TTC7B: variants seen among roughly 807,000 people sequenced by gnomAD.
TTC7B encodes the protein tetratricopeptide repeat domain 7B, also known as tetratricopeptide repeat protein 7B.
Under a neutral mutation model 106.8 loss-of-function variants are expected in TTC7B, and 28 were observed. That is an observed-to-expected ratio of 0.26 (90% CI 0.19 to 0.36). The LOEUF (loss-of-function observed/expected upper bound fraction) is 0.36, where lower values mean the gene tolerates loss of function less well. Among genes scored for constraint, TTC7B ranks in the 10% least tolerant of loss-of-function variants. The pLI, the probability that TTC7B is intolerant of heterozygous loss-of-function variation, is 1.00. For missense variants in TTC7B, 862 were observed against 1,076.4 expected (o/e 0.80, Z 2.79); for synonymous variants, 405 against 430.6 (o/e 0.94, Z 0.74).
At chr14:90,666,919 T>C (rs143633262) in intron 9 of TTC7B, among the ~76,000 whole-genome samples, 182 of 152,352 alleles carry the variant, frequency 1.2e-3, no homozygotes, top group African/African-American at 4.3e-3. Context: ...AGACCAAGCT[T>C]GCACATTGAG....
chr14:90,801,147 C>G (rs945212741), intron 1 of TTC7B, among the ~76,000 whole-genome samples: 1 of 150,834 alleles, frequency 6.6e-6, no homozygotes, highest in Non-Finnish European at 1.5e-5. Flanking sequence ...ATCGCTTGAG[C>G]CCGGGAGGTC....
intron 17 of TTC7B, among the ~76,000 whole-genome samples, chr14:90,598,660 C>A (rs1892310613): frequency 6.6e-6 from 1 of 152,232 alleles, no homozygotes; most frequent in African/African-American, 2.4e-5. Flanking sequence ...AGAAACCCTG[C>A]CTGCCCCAAG....
intron 4 of TTC7B, among the ~76,000 whole-genome samples, chr14:90,733,441 A>C (rs1187391535): frequency 2.0e-5 from 3 of 152,168 alleles, no homozygotes; most frequent in East Asian, 3.9e-4. Context: ...TAAGGTTATA[A>C]ATGGGAGAAT....
At chr14:90,706,934 CA>C (rs1888235708) in intron 5 of TTC7B, among the ~76,000 whole-genome samples, 1 of 152,234 alleles carries the variant, frequency 6.6e-6, no homozygotes, top group Non-Finnish European at 1.5e-5. Flanking sequence ...TATACATACA[CA>C]CACATACATA....
rs929319533 is a variant in TTC7B at position 90,575,944 on chromosome 14, C to T, written c.2310+2162G>A. On this transcript the variant is annotated intron_variant, in intron 19 of 19. Coordinates refer to ENST00000328459, the MANE Select transcript of TTC7B (RefSeq NM_001010854.2). The surrounding 1 kb of genome is among the most constrained non-coding windows in gnomAD (Gnocchi z 5.2). ...TGAGCCTAGTAAGGCTCAGTCATTG[C>T]CGATGGACCCAGCAGGCGGGGCTCA... Among the ~76,000 whole-genome samples the T allele has an allele frequency of 7.2e-5, 11 of 152,060 alleles. No homozygotes were observed. Among genetic ancestry groups the T allele is most frequent in the Admixed American group, 7.2e-4 (11 of 15,272 alleles).
intron 3 of TTC7B, among the ~76,000 whole-genome samples, chr14:90,745,650 T>C (rs912591178): frequency 2.0e-5 from 3 of 152,072 alleles, no homozygotes; most frequent in African/African-American, 7.2e-5. Flanking sequence ...AGATGAATTA[T>C]CCTTTTTTAT....
intron 3 of TTC7B, among the ~76,000 whole-genome samples, chr14:90,755,652 C>T (rs965254397): frequency 5.4e-5 from 6 of 112,074 alleles, no homozygotes; most frequent in African/African-American, 2.0e-4. Flanking sequence ...GGGCAAGACC[C>T]TGTCACTAAA....
At position 90,532,633 on chromosome 14, in the gene TTC7B, G is replaced by C. The variant is rs535914306; in HGVS notation, c.*8735C>G. 3 of 152,352 alleles carry C rather than the reference G, an allele frequency of 2.0e-5. No homozygotes were observed. The East Asian group carries it at 5.8e-4, about 29-fold the overall frequency. The allele number at this position is 152,352 out of a possible 1,614,324, so 9.4% of individuals were successfully genotyped here. A position where few individuals can be genotyped will look rare whatever the true frequency, so the allele number is the denominator to read the frequency against. The stretch of plus-strand genomic sequence containing the variant: ...CACTTCAAATTTGCTCTAATCATCT[G>C]CCAAGCTGGTAATTATCTTATTTGT... On this transcript the variant is annotated 3_prime_UTR_variant, in exon 20 of 20. Transcript: ENST00000328459.
intron 15 of TTC7B, among the ~76,000 whole-genome samples, chr14:90,629,961 T>C (rs2139863286): frequency 6.6e-6 from 1 of 152,198 alleles, no homozygotes; most frequent in Non-Finnish European, 1.5e-5. Flanking sequence ...CCCATGAGGA[T>C]TTAAACTGGG....
At chr14:90,589,705 G>A (rs540452340) in intron 18 of TTC7B, among the ~76,000 whole-genome samples, 65 of 152,298 alleles carry the variant, frequency 4.3e-4, no homozygotes, top group African/African-American at 1.5e-3. Context: ...GGTAAAACCC[G>A]ACAGTGCGGT....
intron 19 of TTC7B, among the ~76,000 whole-genome samples, chr14:90,556,567 C>G (rs1890316106): frequency 2.0e-5 from 3 of 152,152 alleles, no homozygotes; most frequent in Admixed American, 2.0e-4. Context: ...TTATTTTTAC[C>G]TATCTTCCCC....
intron 9 of TTC7B, among the ~76,000 whole-genome samples, chr14:90,664,198 T>G (rs1402824952): frequency 2.6e-5 from 4 of 152,114 alleles, no homozygotes; most frequent in African/African-American, 7.2e-5. Flanking sequence ...TGGGACAGAG[T>G]AAAAAACTGC....
chr14:90,565,102 C>T (rs1322405688), intron 19 of TTC7B, among the ~76,000 whole-genome samples: 1 of 152,168 alleles, frequency 6.6e-6, no homozygotes, highest in Non-Finnish European at 1.5e-5. Context: ...GATTCCTCAC[C>T]TCTCTCAGCC....
At chr14:90,690,783 A>G (rs919865107) in intron 6 of TTC7B, among the ~76,000 whole-genome samples, 3 of 152,228 alleles carry the variant, frequency 2.0e-5, no homozygotes, top group African/African-American at 7.2e-5. Flanking sequence ...AAATAAGTAA[A>G]TGTTTCAGAA....
chr14:90,689,065 A>C (rs943474450), intron 7 of TTC7B, among the ~76,000 whole-genome samples: 1 of 152,216 alleles, frequency 6.6e-6, no homozygotes, highest in African/African-American at 2.4e-5. Flanking sequence ...CTAAAGACAC[A>C]TCACCTTCCA....
At chr14:90,612,869 G>A (rs531122965) in intron 16 of TTC7B, among the ~76,000 whole-genome samples, 23 of 152,158 alleles carry the variant, frequency 1.5e-4, no homozygotes, top group Non-Finnish European at 3.1e-4. Context: ...AATTGTAGGA[G>A]GTATGGGGAA....
intron 15 of TTC7B, among the ~76,000 whole-genome samples, chr14:90,622,486 T>G (rs1295717133): frequency 6.6e-6 from 1 of 151,736 alleles, no homozygotes; most frequent in African/African-American, 2.4e-5. Context: ...TCCCAGCACT[T>G]TGGGAGCTGA....
At chr14:90,786,402 C>G in intron 1 of TTC7B, 74 bp from the exon 2 acceptor site, 1 of 1,570,098 alleles carries the variant, frequency 6.4e-7, no homozygotes, top group East Asian at 2.3e-5. Context: ...TCAAGGGACC[C>G]CAGAACCACC....
At chr14:90,574,589 TTCA>T (rs1356119680) in intron 19 of TTC7B, among the ~76,000 whole-genome samples, 16 of 152,352 alleles carry the variant, frequency 1.1e-4, no homozygotes, top group African/African-American at 3.6e-4. Context: ...TGATTTACTG[TTCA>T]TGAATACTAA....
Sources: gnomAD v4.1 joint callset for allele counts (sites outside exome capture counted in the v4.1 genomes callset) on GRCh38, gnomAD v4.1.1 for gene constraint, Gnocchi (gnomAD v3.1) non-coding constraint, MANE v1.5 for transcripts, NCBI Gene and HGNC (gene_info 2026-07-23, HGNC 2026-07-21) for gene names.